Variants in ZNF543 observed in about 807,000 individuals in gnomAD.
The protein encoded by ZNF543 is zinc finger protein 543.
Under a neutral mutation model 13.4 loss-of-function variants are expected in ZNF543, and 10 were observed. That is an observed-to-expected ratio of 0.75 (90% CI 0.46 to 1.26). The LOEUF is 1.26. Ranked by LOEUF, ZNF543 falls within the 50% of genes most tolerant of loss-of-function variation. ZNF543 has a pLI of 0.00. For synonymous variants in ZNF543, 272 were observed against 264.7 expected (o/e 1.03, Z -0.27); for missense variants, 768 against 741.2 (o/e 1.04, Z -0.42).
rs572885384 is a variant in ZNF543 at position 57,328,793 on chromosome 19, C to T, written c.1331C>T (p.Thr444Ile). Reference protein sequence around the residue: ...HCSTFVLHKRTHTGEKPYECK... With the variant: ...HCSTFVLHKRIHTGEKPYECK... ...TCCACTTTTGTCTTGCATAAAAGGA[C>T]CCACACAGGAGAAAAACCCTATGAA... Residue 444 changes from threonine to isoleucine, a missense_variant, in exon 4 of 4, where the codon ACC (threonine) becomes ATC (isoleucine). Physicochemically the swap from Thr to Ile is moderately conservative, Grantham distance 89 (BLOSUM62 -1). This residue lies in a region of ZNF543 where 677 missense variants were observed against 631.4 expected (regional missense o/e 1.07). Coordinates refer to ENST00000321545, the MANE Select transcript of ZNF543 (RefSeq NM_213598.4). The T allele has an allele frequency of 3.7e-6, 6 of 1,613,324 alleles. No homozygotes were observed. In the African/African-American group the frequency reaches 8.0e-5, roughly 22 times the overall value.
chr19:57,325,578 G>A (rs928609460), intron 2 of ZNF543, among the ~76,000 whole-genome samples: 6 of 151,804 alleles, frequency 4.0e-5, no homozygotes, highest in African/African-American at 1.5e-4. Flanking sequence ...TTGGAGACAG[G>A]GTCTCACTCT....
intron 1 of ZNF543, among the ~76,000 whole-genome samples, chr19:57,322,923 G>T (rs2088098325): frequency 6.6e-6 from 1 of 152,102 alleles, no homozygotes; most frequent in Admixed American, 6.5e-5. Flanking sequence ...TAAACCTCAG[G>T]AGTCTGACTC....
intron 2 of ZNF543, among the ~76,000 whole-genome samples, chr19:57,325,285 A>G (rs1384978934): frequency 6.6e-6 from 1 of 152,220 alleles, no homozygotes; most frequent in Admixed American, 6.5e-5. Flanking sequence ...CCAAGCACAT[A>G]GCAAAAATGA....
chr19:57,321,570 C>G (rs904813872), intron 1 of ZNF543, among the ~76,000 whole-genome samples: 2 of 152,166 alleles, frequency 1.3e-5, no homozygotes, highest in African/African-American at 4.8e-5. Flanking sequence ...GATTGGCAGG[C>G]ATTATTTAAC....
chr19:57,322,001 G>A (rs565039381), intron 1 of ZNF543, among the ~76,000 whole-genome samples: 3 of 152,274 alleles, frequency 2.0e-5, no homozygotes, highest in African/African-American at 4.8e-5. Flanking sequence ...CACATGTCTT[G>A]GGACACAAGA....
At chr19:57,324,867 C>CAGT (rs1364412131) in intron 2 of ZNF543, among the ~76,000 whole-genome samples, 1 of 152,128 alleles carries the variant, frequency 6.6e-6, no homozygotes, top group African/African-American at 2.4e-5. Flanking sequence ...AATGGAGACT[C>CAGT]AGTATCTCAA....
At chr19:57,323,860 T>C in intron 2 of ZNF543, 52 bp downstream of exon 2, 1 of 1,584,820 alleles carries the variant, frequency 6.3e-7, no homozygotes, top group Non-Finnish European at 8.6e-7. Context: ...CTCCTACTCA[T>C]GTTCCCCTCT....
intron 1 of ZNF543, 100 bp downstream of exon 1, chr19:57,320,971 C>A: frequency 6.5e-7 from 1 of 1,531,200 alleles, no homozygotes; most frequent in East Asian, 2.3e-5. Flanking sequence ...TCTTTGTCGC[C>A]GTCGTTTATT....
At chr19:57,322,646 C>G (rs1335338224) in intron 1 of ZNF543, among the ~76,000 whole-genome samples, 2 of 152,162 alleles carry the variant, frequency 1.3e-5, no homozygotes, top group Non-Finnish European at 2.9e-5. Flanking sequence ...AATTCTGTCT[C>G]TCCTGATAAG....
chr19:57,320,892 C>G (rs1314174194), intron 1 of ZNF543, 21 bp downstream of exon 1: 6 of 1,613,806 alleles, frequency 3.7e-6, no homozygotes, highest in Non-Finnish European at 5.1e-6. Context: ...GAGGTTTTGG[C>G]CTTGCTGCTG....
rs1369924732 is a variant in ZNF543 at position 57,328,006 on chromosome 19, G to C, written c.544G>C (p.Asp182His). The C allele has an allele frequency of 1.2e-6, 2 of 1,614,188 alleles. No individual in the cohort carries two copies. The highest frequency in any genetic ancestry group is 1.1e-5 in the South Asian group (1 of 91,080). Residue 182 changes from aspartate to histidine, a missense_variant, in exon 4 of 4, where the codon GAT becomes CAT. Asp to His is a moderately conservative substitution (Grantham distance 81, BLOSUM62 -1). Transcript: ENST00000321545. ...AACAGAAGGTGATCTCTATGAATGTGATTCACATGGACCAGTTACAGATGC... is the reference window on the plus strand; with the variant it reads ...AACAGAAGGTGATCTCTATGAATGTCATTCACATGGACCAGTTACAGATGC... ...VSTEGDLYEC[D>H]SHGPVTDALI...
At position 57,327,760 on chromosome 19, in the gene ZNF543, G is replaced by A. The variant is rs752175511; in HGVS notation, c.298G>A (p.Glu100Lys). The change falls in exon 4 of 4, where the codon GAG (glutamate) becomes AAG (lysine). Residue 100 changes from glutamate (E) to lysine (K), a missense_variant. By Grantham distance (56) the Glu-to-Lys change is moderately conservative. Coordinates refer to ENST00000321545, the MANE Select transcript of ZNF543 (RefSeq NM_213598.4). ...TACCTTTTCTCACCTGGCCTTGCCTGAGGAAGTCTTACTCCAGGAACAACT... is the reference window on the plus strand; with the variant it reads ...TACCTTTTCTCACCTGGCCTTGCCTAAGGAAGTCTTACTCCAGGAACAACT... ...EPTFSHLALPEEVLLQEQLTQ... is the reference protein window; with the variant it reads ...EPTFSHLALPKEVLLQEQLTQ... The A allele has an allele frequency of 3.1e-6, 5 of 1,613,760 alleles. No homozygotes were observed. The highest frequency in any genetic ancestry group is 4.5e-5 in the East Asian group (2 of 44,814).
chr19:57,323,617 T>C (rs2088103260), intron 1 of ZNF543, 65 bp from the exon 2 acceptor site: 2 of 1,592,442 alleles, frequency 1.3e-6, no homozygotes, highest in African/African-American at 2.7e-5. Context: ...AGTGCTGAAG[T>C]GACAAGTTCT....
chr19:57,325,950 G>A (rs7343127), intron 2 of ZNF543, among the ~76,000 whole-genome samples: 11,880 of 152,152 alleles, frequency 0.078, 573 homozygotes, highest in East Asian at 0.21. Context: ...TTCTCTCTTT[G>A]GAGTGGCTGG....
chr19:57,320,974 C>G, intron 1 of ZNF543, 103 bp downstream of exon 1: 1 of 1,522,056 alleles, frequency 6.6e-7, no homozygotes, highest in Non-Finnish European at 9.0e-7. Context: ...TTGTCGCCGT[C>G]GTTTATTTAA....
intron 1 of ZNF543, 85 bp downstream of exon 1, chr19:57,320,956 A>G: frequency 1.3e-6 from 2 of 1,576,858 alleles, no homozygotes; most frequent in Non-Finnish European, 1.7e-6. Context: ...CAGCCACAGG[A>G]TGTTTCTTTG....
chr19:57,320,975 G>C lies in ZNF543; in HGVS notation c.18+104G>C, dbSNP rs1036902385. The C allele has an allele frequency of 3.3e-6, 5 of 1,509,228 alleles. No homozygotes were observed. The African/African-American group carries it at 6.9e-5, about 21-fold the overall frequency. 93.5% of individuals were successfully genotyped at this position (1,509,228 alleles called of 1,614,324 possible). Reference sequence around the variant, plus strand: ...CACAGGATGTTTCTTTGTCGCCGTCGTTTATTTAAGAGAAGTGGCCGTAGC... The same window carrying C: ...CACAGGATGTTTCTTTGTCGCCGTCCTTTATTTAAGAGAAGTGGCCGTAGC... On this transcript the variant is annotated intron_variant, in intron 1 of 3. Transcript: ENST00000321545.
rs2088146349 is a variant in ZNF543 at position 57,329,119 on chromosome 19, C to T, written c.1657C>T (p.His553Tyr). The T allele has an allele frequency of 1.2e-6, 2 of 1,614,100 alleles. No individual in the cohort carries two copies. Among genetic ancestry groups the T allele is most frequent in the East Asian group, 2.2e-5 (1 of 44,898 alleles). The change falls in exon 4 of 4, where the codon CAT becomes TAT. Residue 553 changes from histidine to tyrosine, a missense_variant. His to Tyr is a moderately conservative substitution (Grantham distance 83). Around this residue, in one of 3 missense-constraint regions of ZNF543, gnomAD observed 677 missense variants for 631.4 expected, o/e 1.07. Coordinates refer to ENST00000321545, the MANE Select transcript of ZNF543 (RefSeq NM_213598.4). ...TAATCGCGGCTCATCCCTCACACAT[C>T]ATCAAAGGATTCATACTGGGAGAAA... ...AFNRGSSLTHHQRIHTGRNPT... is the reference protein window; with the variant it reads ...AFNRGSSLTHYQRIHTGRNPT...
chr19:57,321,157 C>T (rs1212740486), intron 1 of ZNF543, among the ~76,000 whole-genome samples: 2 of 152,230 alleles, frequency 1.3e-5, no homozygotes, highest in Non-Finnish European at 2.9e-5. Flanking sequence ...CCCCATCCAC[C>T]TGGCCAACCA....
Sources: allele counts gnomAD v4.1 joint callset (sites outside exome capture counted in the v4.1 genomes callset), GRCh38; gene constraint gnomAD v4.1.1; regional missense constraint gnomAD v4.1.1; transcripts MANE v1.5; gene names NCBI Gene and HGNC (gene_info 2026-07-23, HGNC 2026-07-21).